The following GLI2 variants were observed in gnomAD, a reference collection of about 807,000 sequenced individuals.
The protein encoded by GLI2 is transcription activator GLI2.
Under a neutral mutation model 78.9 loss-of-function variants are expected in GLI2, and 22 were observed. The ratio of observed to expected loss-of-function variants is 0.28; its 90% confidence interval spans 0.20 to 0.40. The LOEUF (loss-of-function observed/expected upper bound fraction) is 0.40. Among genes scored for constraint, GLI2 ranks in the 10% least tolerant of loss-of-function variants. The pLI is 1.00. For missense variants in GLI2, 2,097 were observed against 2,213.2 expected, an observed-to-expected ratio of 0.95 and a Z score of 1.05; for synonymous variants, 974 against 963.7, an observed-to-expected ratio of 1.01 and a Z score of -0.20.
intron 1 of GLI2, among the ~76,000 whole-genome samples, chr2:120,774,700 AG>A (rs1683626653): frequency 6.6e-6 from 1 of 152,160 alleles, no homozygotes; most frequent in Non-Finnish European, 1.5e-5. Context: ...AGCTGGCCAG[AG>A]GGGAGCAGCA....
At chr2:120,985,260 G>A (rs897803367) in intron 12 of GLI2, among the ~76,000 whole-genome samples, 3 of 152,202 alleles carry the variant, frequency 2.0e-5, no homozygotes, top group Non-Finnish European at 2.9e-5. Context: ...GGGTGGCTGG[G>A]GAGCCGGTCC....
chr2:120,967,805 A>G (rs1681930886), intron 5 of GLI2, among the ~76,000 whole-genome samples: 1 of 152,226 alleles, frequency 6.6e-6, no homozygotes, highest in Non-Finnish European at 1.5e-5. Flanking sequence ...TTTAGAACTG[A>G]GGACCTCAGT....
chr2:120,931,272 A>AGC, intron 3 of GLI2, among the ~76,000 whole-genome samples: 1 of 152,322 alleles, frequency 6.6e-6, no homozygotes, highest in East Asian at 1.9e-4. Context: ...CTTGGCTTAC[A>AGC]GCCCCGTCCT....
At chr2:120,889,728 G>T (rs139666983) in intron 2 of GLI2, among the ~76,000 whole-genome samples, 2 of 152,162 alleles carry the variant, frequency 1.3e-5, no homozygotes, top group Admixed American at 6.6e-5. Context: ...ACATGAAAAG[G>T]TGTTCAACTT....
Position 120,978,545 on chromosome 2 carries a change from A to G in GLI2, c.1429A>G (p.Met477Val), listed in dbSNP as rs753321852. The G allele has an allele frequency of 6.2e-7, 1 of 1,614,022 alleles. No homozygotes were observed. Among genetic ancestry groups the G allele is most frequent in the Admixed American group, 1.7e-5 (1 of 60,028 alleles). The change falls in exon 10 of 14, where the codon ATG becomes GTG. Residue 477 changes from methionine (M) to valine (V), a missense_variant. By Grantham distance (21) the Met-to-Val change is conservative. This residue lies in a region of GLI2 where 104 missense variants were observed against 190.6 expected (regional missense o/e 0.55). Coordinates refer to ENST00000361492, the MANE Select transcript of GLI2 (RefSeq NM_001374353.1). ...GGCGCAGTACATGCTGGTGGTGCAC[A>G]TGCGGCGACACACGGGCGAGAAGCC... is the stretch of plus-strand genomic sequence containing the variant. The part of the protein sequence containing the change: ...FKAQYMLVVH[M>V]RRHTGEKPHK...
intron 1 of GLI2, among the ~76,000 whole-genome samples, chr2:120,766,360 C>T (rs916388592): frequency 1.1e-4 from 16 of 152,112 alleles, no homozygotes; most frequent in Admixed American, 1.0e-3. Flanking sequence ...GAGGGCCTCA[C>T]GCCCCTGGGG....
intron 2 of GLI2, among the ~76,000 whole-genome samples, chr2:120,847,151 A>G (rs1687156529): frequency 6.6e-6 from 1 of 151,976 alleles, no homozygotes; most frequent in East Asian, 1.9e-4. Flanking sequence ...AATTCCTGGA[A>G]TAGTCCTAGG....
intron 2 of GLI2, among the ~76,000 whole-genome samples, chr2:120,924,276 C>T (rs1679548929): frequency 6.6e-6 from 1 of 152,146 alleles, no homozygotes; most frequent in African/African-American, 2.4e-5. Context: ...AACTAAAGTA[C>T]ATAGCAAGGT....
chr2:120,923,575 CACAT>C (rs1679508035), intron 2 of GLI2, among the ~76,000 whole-genome samples: 3 of 152,012 alleles, frequency 2.0e-5, no homozygotes, highest in African/African-American at 4.8e-5. Flanking sequence ...TACACAGCAA[CACAT>C]ACATATACAA....
chr2:120,983,286 G>A (rs1429387705), intron 11 of GLI2, among the ~76,000 whole-genome samples: 1 of 152,146 alleles, frequency 6.6e-6, no homozygotes, highest in Non-Finnish European at 1.5e-5. Flanking sequence ...TGCTGGGTGG[G>A]CTCTGCCTCC....
At chr2:120,824,361 G>A (rs966763273) in intron 2 of GLI2, among the ~76,000 whole-genome samples, 7 of 152,252 alleles carry the variant, frequency 4.6e-5, no homozygotes, top group African/African-American at 1.4e-4. Context: ...GTGGAGTGGT[G>A]CTCTGGCAGC....
chr2:120,745,609 G>A (rs1051673173), intron 1 of GLI2, among the ~76,000 whole-genome samples: 6 of 152,112 alleles, frequency 3.9e-5, no homozygotes, highest in East Asian at 1.9e-4. Context: ...TTCCACACCC[G>A]CAGCTGTGAC....
At chr2:120,779,074 C>G (rs962724975) in intron 1 of GLI2, among the ~76,000 whole-genome samples, 2 of 152,184 alleles carry the variant, frequency 1.3e-5, no homozygotes, top group Admixed American at 1.3e-4. Context: ...ATACCCACAC[C>G]CTTCCCATGT....
chr2:120,767,144 A>G (rs1055266449), intron 1 of GLI2, among the ~76,000 whole-genome samples: 1 of 152,180 alleles, frequency 6.6e-6, no homozygotes, highest in Non-Finnish European at 1.5e-5. Flanking sequence ...TTTCCTCCAG[A>G]GGGGCTGGGC....
intron 2 of GLI2, among the ~76,000 whole-genome samples, chr2:120,807,892 T>G (rs1288694040): frequency 1.3e-5 from 2 of 151,450 alleles, no homozygotes; most frequent in African/African-American, 2.4e-5. Context: ...GCATCTGGCT[T>G]CTTCTCCTTC....
chr2:120,753,079 T>A (rs1682925536), intron 1 of GLI2, among the ~76,000 whole-genome samples: 1 of 151,232 alleles, frequency 6.6e-6, no homozygotes, highest in South Asian at 2.1e-4. Context: ...TGGGTGTTTT[T>A]TTTTTCTGTA....
chr2:120,881,403 G>A (rs1489153621), intron 2 of GLI2, among the ~76,000 whole-genome samples: 8 of 151,420 alleles, frequency 5.3e-5, no homozygotes, highest in African/African-American at 1.9e-4. Context: ...GGTGGGGGGA[G>A]GACAGGTGAG....
intron 2 of GLI2, among the ~76,000 whole-genome samples, chr2:120,810,133 C>T (rs1217428272): frequency 6.6e-6 from 1 of 152,212 alleles, no homozygotes; most frequent in Non-Finnish European, 1.5e-5. Context: ...CCTTGCTGCC[C>T]ACAGCTGGAG....
rs567413604 is a variant in GLI2, at chr2:120,827,565, C to T, written c.148+30097C>T. On this transcript the variant is annotated intron_variant, in intron 2 of 13. Coordinates refer to ENST00000361492, the MANE Select transcript of GLI2 (RefSeq NM_001374353.1). ...GACTCAGAAAAGTTGAAAGTAGGGTCCTGAAGAGATATTTGCACACCCATG... is the reference window on the plus strand; with the variant it reads ...GACTCAGAAAAGTTGAAAGTAGGGTTCTGAAGAGATATTTGCACACCCATG... 2.0e-5 allele frequency among the ~76,000 whole-genome samples: 3 copies of T among 152,240 alleles called. No individual in the cohort carries two copies. The East Asian group carries it at 5.8e-4, about 29-fold the overall frequency.
Sources: gnomAD v4.1 joint callset for allele counts (sites outside exome capture counted in the v4.1 genomes callset) on GRCh38, gnomAD v4.1.1 for gene constraint, gnomAD v4.1.1 regional missense constraint, MANE v1.5 for transcripts, NCBI Gene and HGNC (gene_info 2026-07-23, HGNC 2026-07-21) for gene names.